ZCCHC7: variants seen among roughly 807,000 people sequenced by gnomAD.
The protein encoded by ZCCHC7 is zinc finger CCHC-type containing 7.
In ZCCHC7, 35 loss-of-function variants were observed where a neutral mutation model predicts 52.0. That is an observed-to-expected ratio of 0.67 (90% CI 0.51 to 0.89). The LOEUF (loss-of-function observed/expected upper bound fraction) is 0.89, where lower values mean the gene tolerates loss of function less well. Ranked by LOEUF, ZCCHC7 falls within the 40% of genes least tolerant of loss-of-function variation. The pLI is 0.00. For synonymous variants in ZCCHC7, 217 were observed against 221.5 expected (o/e 0.98, Z 0.18); for missense variants, 574 against 649.1 (o/e 0.88, Z 1.26).
chr9:37,356,767 A>T, intron 8 of ZCCHC7, 68 bp from the exon 9 acceptor site: 2 of 1,406,984 alleles, frequency 1.4e-6, no homozygotes, highest in East Asian at 2.3e-5. Flanking sequence ...TAAGTTATTT[A>T]CACTTAGGAA....
intron 6 of ZCCHC7, among the ~76,000 whole-genome samples, chr9:37,347,081 C>T (rs938121907): frequency 2.6e-5 from 4 of 152,114 alleles, no homozygotes; most frequent in African/African-American, 7.2e-5. Flanking sequence ...ACGTTTAAGC[C>T]GATCCTTAAC....
chr9:37,348,343 G>GTTCT (rs768829753), intron 6 of ZCCHC7, among the ~76,000 whole-genome samples: 16 of 100,148 alleles, frequency 1.6e-4, no homozygotes, highest in African/African-American at 4.6e-4. Flanking sequence ...AGTGATACCA[G>GTTCT]TTCGTTCTTT....
At chr9:37,198,770 A>T (rs563687567) in intron 2 of ZCCHC7, among the ~76,000 whole-genome samples, 1 of 152,146 alleles carries the variant, frequency 6.6e-6, no homozygotes, top group African/African-American at 2.4e-5. Context: ...GGAGGAGATA[A>T]ATTTGAAAGA....
At chr9:37,132,562 T>C (rs1179320080) in intron 2 of ZCCHC7, among the ~76,000 whole-genome samples, 3 of 152,118 alleles carry the variant, frequency 2.0e-5, no homozygotes, top group Admixed American at 6.5e-5. Context: ...TGTGTGCACA[T>C]GTGTGTATGC....
Position 37,174,552 on chromosome 9 carries a change from T to C in ZCCHC7, c.610+47610T>C, listed in dbSNP as rs193077863. On this transcript the variant is annotated intron_variant, in intron 2 of 8. Transcript: ENST00000336755. ...AGAATCTAAAACACTATTATCTCAA[T>C]AAAGGCATAGAAAATAGAAGTTGTT... Among the ~76,000 whole-genome samples, 45 of 152,308 alleles carry C rather than the reference T, an allele frequency of 3.0e-4. No individual in the cohort carries two copies. In the East Asian group the frequency reaches 8.1e-3, roughly 27 times the overall value.
intron 2 of ZCCHC7, among the ~76,000 whole-genome samples, chr9:37,218,216 A>T (rs757988271): frequency 1.3e-5 from 2 of 152,160 alleles, no homozygotes; most frequent in Admixed American, 6.5e-5. Flanking sequence ...AAGTATAAAG[A>T]TTCTTGAAAG....
At chr9:37,222,531 A>C (rs2133269154) in intron 2 of ZCCHC7, among the ~76,000 whole-genome samples, 1 of 152,226 alleles carries the variant, frequency 6.6e-6, no homozygotes, top group Middle Eastern at 3.4e-3. Flanking sequence ...AAAATTTGCT[A>C]TTAATATTAA....
At chr9:37,296,854 A>G (rs1478691137) in intron 2 of ZCCHC7, among the ~76,000 whole-genome samples, 7 of 150,426 alleles carry the variant, frequency 4.7e-5, no homozygotes, top group Non-Finnish European at 8.9e-5. Context: ...CTGGGACTAT[A>G]GGCATGCACC....
At chr9:37,303,255 T>C (rs538887752) in intron 3 of ZCCHC7, among the ~76,000 whole-genome samples, 1 of 152,062 alleles carries the variant, frequency 6.6e-6, no homozygotes, top group South Asian at 2.1e-4. Context: ...CGAAACTCCT[T>C]CTCTACTGAA....
chr9:37,152,695 A>G (rs1452420578), intron 2 of ZCCHC7, among the ~76,000 whole-genome samples: 2 of 152,234 alleles, frequency 1.3e-5, no homozygotes, highest in African/African-American at 2.4e-5. Context: ...TTCTTATCAC[A>G]TCAAGTATAA....
At chr9:37,244,420 A>G (rs1320760348) in intron 2 of ZCCHC7, among the ~76,000 whole-genome samples, 1 of 151,928 alleles carries the variant, frequency 6.6e-6, no homozygotes, top group Admixed American at 6.6e-5. Flanking sequence ...AATTAATTAC[A>G]TAAATGGAAG....
intron 2 of ZCCHC7, among the ~76,000 whole-genome samples, chr9:37,169,475 G>A (rs1166199360): frequency 1.3e-5 from 2 of 152,098 alleles, no homozygotes; most frequent in African/African-American, 2.4e-5. Context: ...CTAGACGTGC[G>A]CCAGCTTCTC....
chr9:37,211,741 G>C (rs1290537872), intron 2 of ZCCHC7, among the ~76,000 whole-genome samples: 1 of 151,966 alleles, frequency 6.6e-6, no homozygotes, highest in Non-Finnish European at 1.5e-5. Context: ...GAAAATCTGT[G>C]GCTAGGGCCG....
At chr9:37,139,369 C>T (rs924079927) in intron 2 of ZCCHC7, among the ~76,000 whole-genome samples, 4 of 151,952 alleles carry the variant, frequency 2.6e-5, no homozygotes, top group Admixed American at 6.6e-5. Flanking sequence ...AAATCATATG[C>T]TTAAGAATAC....
At position 37,357,997 on chromosome 9, in the gene ZCCHC7, C is replaced by A. The variant is rs1384129504; in HGVS notation, c.*729C>A. ...GTTTCAAGCGGACTGTCACTCAGAT[C>A]TGCAGAGATGAATATTACTCAAAAA... On this transcript the variant is annotated 3_prime_UTR_variant, in exon 9 of 9. Transcript: ENST00000336755. The A allele has an allele frequency of 6.6e-6, 1 of 152,122 alleles. No individual in the cohort carries two copies. The highest frequency in any genetic ancestry group is 2.4e-5 in the African/African-American group (1 of 41,426). The allele number at this position is 152,122 out of a possible 1,614,324, so 9.4% of individuals were successfully genotyped here. A position where few individuals can be genotyped will look rare whatever the true frequency, so the allele number is the denominator to read the frequency against.
At chr9:37,338,470 C>G (rs1830783994) in intron 6 of ZCCHC7, among the ~76,000 whole-genome samples, 1 of 152,184 alleles carries the variant, frequency 6.6e-6, no homozygotes, top group African/African-American at 2.4e-5. Context: ...TAAAGTAGTG[C>G]AAGACCTTGA....
chr9:37,211,666 G>A (rs906238522), intron 2 of ZCCHC7, among the ~76,000 whole-genome samples: 2 of 152,058 alleles, frequency 1.3e-5, no homozygotes, highest in African/African-American at 4.8e-5. Context: ...ATATTAATAT[G>A]GAAATGTTGC....
chr9:37,166,283 G>A (rs1445520585), intron 2 of ZCCHC7, among the ~76,000 whole-genome samples: 2 of 151,966 alleles, frequency 1.3e-5, no homozygotes, highest in Admixed American at 1.3e-4. Flanking sequence ...GTAGTCCCAG[G>A]TACTCGGGAG....
chr9:37,329,467 CTTTG>C (rs756937355), intron 6 of ZCCHC7, among the ~76,000 whole-genome samples: 23 of 151,656 alleles, frequency 1.5e-4, no homozygotes, highest in Non-Finnish European at 2.5e-4. Flanking sequence ...AATTTGAAAA[CTTTG>C]TTTGTTCCAA....
Sources: gnomAD v4.1 joint callset for allele counts (sites outside exome capture counted in the v4.1 genomes callset) on GRCh38, gnomAD v4.1.1 for gene constraint, MANE v1.5 for transcripts, NCBI Gene and HGNC (gene_info 2026-07-23, HGNC 2026-07-21) for gene names.